The following PDE4D variants were observed in gnomAD, a reference collection of about 807,000 sequenced individuals.
The protein encoded by PDE4D is 3',5'-cyclic-AMP phosphodiesterase 4D.
In PDE4D, 24 loss-of-function variants were observed where a neutral mutation model predicts 87.4. The observed-to-expected ratio is 0.27, with a 90% CI of 0.20 to 0.39. The LOEUF is 0.39. Among genes scored for constraint, PDE4D ranks in the 10% least tolerant of loss-of-function variants. The probability of loss-of-function intolerance (pLI) is 1.00; values close to 1 mark genes in which losing one functional copy is unlikely to be tolerated. For synonymous variants in PDE4D, 384 were observed against 383.2 expected (o/e 1.00, Z -0.02); for missense variants, 714 against 1,041.0 (o/e 0.69, Z 4.32).
chr5:60,385,322 C>G (rs1249460605), intron 1 of PDE4D, among the ~76,000 whole-genome samples: 1 of 152,234 alleles, frequency 6.6e-6, no homozygotes, highest in Non-Finnish European at 1.5e-5. Context: ...CACCGGGAAC[C>G]TCCAAGATAT....
At chr5:60,086,250 TA>T (rs1428319413) in intron 2 of PDE4D, among the ~76,000 whole-genome samples, 5 of 152,226 alleles carry the variant, frequency 3.3e-5, no homozygotes, top group Admixed American at 2.0e-4. Context: ...AGATTGAATA[TA>T]TGGAAGCTTT....
At chr5:59,192,914 A>T (rs996410943) in intron 3 of PDE4D, among the ~76,000 whole-genome samples, 2 of 152,346 alleles carry the variant, frequency 1.3e-5, no homozygotes, top group African/African-American at 4.8e-5. Context: ...GGTAGGGTTG[A>T]GAAGTATTGG....
intron 1 of PDE4D, among the ~76,000 whole-genome samples, chr5:59,619,815 G>T (rs1830132706): frequency 2.0e-5 from 3 of 152,140 alleles, no homozygotes; most frequent in African/African-American, 7.2e-5. Flanking sequence ...AAAAATGTCA[G>T]TATATTTGGT....
At chr5:59,356,868 C>A in intron 1 of PDE4D, 2 of 1,529,586 alleles carry the variant, frequency 1.3e-6, no homozygotes, top group South Asian at 1.3e-5. Flanking sequence ...ATGCCAAGAT[C>A]CCCAGGAACC....
intron 2 of PDE4D, among the ~76,000 whole-genome samples, chr5:60,014,603 G>T (rs1263081400): frequency 1.3e-5 from 2 of 152,130 alleles, no homozygotes; most frequent in East Asian, 1.9e-4. Flanking sequence ...TTACTGCACA[G>T]GATTCTGACT....
intron 1 of PDE4D, among the ~76,000 whole-genome samples, chr5:59,337,627 C>T (rs183270549): frequency 1.3e-5 from 2 of 152,220 alleles, no homozygotes; most frequent in African/African-American, 4.8e-5. Flanking sequence ...GATAAGGACA[C>T]TAAACAGAGA....
chr5:59,265,289 G>A (rs1762675889), intron 1 of PDE4D, among the ~76,000 whole-genome samples: 1 of 151,864 alleles, frequency 6.6e-6, no homozygotes, highest in Admixed American at 6.6e-5. Flanking sequence ...CTAAATCAGA[G>A]GTGGTTTAGC....
At chr5:59,589,482 T>C (rs1345802356) in intron 1 of PDE4D, among the ~76,000 whole-genome samples, 1 of 152,208 alleles carries the variant, frequency 6.6e-6, no homozygotes, top group African/African-American at 2.4e-5. Context: ...TGGGTTTTAA[T>C]TATTTTAAAA....
At chr5:59,617,582 T>C (rs1454933319) in intron 1 of PDE4D, among the ~76,000 whole-genome samples, 1 of 152,044 alleles carries the variant, frequency 6.6e-6, no homozygotes, top group Non-Finnish European at 1.5e-5. Context: ...CACGCCTTTA[T>C]AAAAAGAACA....
intron 1 of PDE4D, among the ~76,000 whole-genome samples, chr5:59,704,216 T>A (rs1420939190): frequency 2.0e-5 from 3 of 152,192 alleles, no homozygotes; most frequent in Admixed American, 2.0e-4. Flanking sequence ...ACCCGTCGTA[T>A]TTAACAATAT....
chr5:59,357,992 A>C (rs1386104766), intron 1 of PDE4D, among the ~76,000 whole-genome samples: 1 of 152,208 alleles, frequency 6.6e-6, no homozygotes, highest in Non-Finnish European at 1.5e-5. Flanking sequence ...GACAAAATTG[A>C]CCAAGAGTTG....
In PDE4D at chr5:59,256,995, T is replaced by C. The variant is rs973701868; in HGVS notation, c.456-41027A>G. ...TGCAGAACAATGAATGTGCAGATTA[T>C]GCTCCATTTTGTATAAAGAGGGGGG... On this transcript the variant is annotated intron_variant, in intron 1 of 14. Coordinates refer to ENST00000340635, the MANE Select transcript of PDE4D (RefSeq NM_001104631.2). Among the ~76,000 whole-genome samples the C allele has an allele frequency of 3.9e-5, 6 of 152,086 alleles. No homozygotes were observed. The South Asian group carries it at 1.0e-3, about 26-fold the overall frequency.
chr5:60,477,092 G>A (rs1158756766), intron 1 of PDE4D, among the ~76,000 whole-genome samples: 3 of 152,138 alleles, frequency 2.0e-5, no homozygotes, highest in Admixed American at 2.0e-4. Context: ...TCTATGACAT[G>A]TAGAATAGGC....
chr5:60,500,701 G>A (rs576054208), intron 1 of PDE4D, among the ~76,000 whole-genome samples: 1 of 152,314 alleles, frequency 6.6e-6, no homozygotes, highest in South Asian at 2.1e-4. Flanking sequence ...CATGACTTCA[G>A]GCAGCTTACT....
At chr5:59,273,788 T>C (rs1391144976) in intron 1 of PDE4D, among the ~76,000 whole-genome samples, 4 of 152,138 alleles carry the variant, frequency 2.6e-5, no homozygotes, top group African/African-American at 9.7e-5. Flanking sequence ...AAATATCCCA[T>C]ACAATTTAAA....
At chr5:59,127,763 AT>A (rs1260036109) in intron 5 of PDE4D, among the ~76,000 whole-genome samples, 1 of 152,016 alleles carries the variant, frequency 6.6e-6, no homozygotes, top group Non-Finnish European at 1.5e-5. Flanking sequence ...CTAGTGCGAC[AT>A]CAGAAACCAG....
chr5:59,644,965 C>G lies in PDE4D; in HGVS notation c.455+248203G>C, dbSNP rs115784553. On this transcript the variant is annotated intron_variant, in intron 1 of 14. Transcript: ENST00000340635. Reference sequence around the variant, plus strand: ...ACATTTAAAGCCTACTGGAGCCCAGCTGTTTGCCCCCTGAAAAGATTATGC... The same window carrying G: ...ACATTTAAAGCCTACTGGAGCCCAGGTGTTTGCCCCCTGAAAAGATTATGC... Among the ~76,000 whole-genome samples, 987 of 152,270 alleles carry G rather than the reference C, an allele frequency of 6.5e-3. 11 individuals carry two copies. Among genetic ancestry groups the G allele is most frequent in the African/African-American group, 0.022 (904 of 41,542 alleles).
intron 6 of PDE4D, among the ~76,000 whole-genome samples, chr5:59,035,008 T>A (rs1438912471): frequency 6.6e-6 from 1 of 152,244 alleles, no homozygotes; most frequent in East Asian, 1.9e-4. Flanking sequence ...CACAAGAGGA[T>A]AACGTTACAG....
At chr5:59,253,076 C>T (rs900003355) in intron 1 of PDE4D, among the ~76,000 whole-genome samples, 2 of 152,086 alleles carry the variant, frequency 1.3e-5, no homozygotes, top group Non-Finnish European at 2.9e-5. Flanking sequence ...AAGAATCTTG[C>T]CCCCTCTTTT....
Sources: gnomAD v4.1 joint callset for allele counts (sites outside exome capture counted in the v4.1 genomes callset) on GRCh38, gnomAD v4.1.1 for gene constraint, MANE v1.5 for transcripts, NCBI Gene and HGNC (gene_info 2026-07-23, HGNC 2026-07-21) for gene names.